The following GNA12 variants were observed in gnomAD, a reference collection of about 807,000 sequenced individuals.
GNA12 encodes the protein G protein subunit alpha 12.
Under a neutral mutation model 26.0 loss-of-function variants are expected in GNA12, and 9 were observed. The ratio of observed to expected loss-of-function variants is 0.35; its 90% CI spans 0.21 to 0.60. GNA12 has a LOEUF of 0.60. Among genes scored for constraint, GNA12 ranks in the 20% least tolerant of loss-of-function variants. GNA12 has a pLI of 0.78. For synonymous variants in GNA12, 264 were observed against 219.6 expected, an observed-to-expected ratio of 1.20 and a Z score of -1.79; for missense variants, 405 against 525.8, an observed-to-expected ratio of 0.77 and a Z score of 2.25.
intron 1 of GNA12, among the ~76,000 whole-genome samples, chr7:2,812,976 C>T (rs145903289): frequency 2.0e-4 from 30 of 152,324 alleles, no homozygotes; most frequent in Middle Eastern, 3.4e-3. Context: ...CAGAGTCTCG[C>T]TCTGTCGCCC....
At chr7:2,835,608 C>A in intron 1 of GNA12, 1 of 680,094 alleles carries the variant, frequency 1.5e-6, no homozygotes, top group Admixed American at 2.4e-5. Flanking sequence ...TCATGCTGTT[C>A]TCCAGTCCCG....
intron 1 of GNA12, among the ~76,000 whole-genome samples, chr7:2,820,508 G>C (rs1793325715): frequency 6.6e-6 from 1 of 150,414 alleles, no homozygotes; most frequent in Non-Finnish European, 1.5e-5. Context: ...TAGCCCAGGA[G>C]ACATGCAAAA....
At chr7:2,757,940 A>G (rs1392906499) in intron 2 of GNA12, among the ~76,000 whole-genome samples, 1 of 152,174 alleles carries the variant, frequency 6.6e-6, no homozygotes, top group Non-Finnish European at 1.5e-5. Context: ...CAGAATAGCA[A>G]TAATAAGGAA....
intron 2 of GNA12, among the ~76,000 whole-genome samples, chr7:2,754,175 A>G (rs1791178948): frequency 6.6e-6 from 1 of 152,182 alleles, no homozygotes; most frequent in South Asian, 2.1e-4. Context: ...ATAGGTGTGT[A>G]GTGCTAGCTC....
intron 1 of GNA12, among the ~76,000 whole-genome samples, chr7:2,840,569 C>T (rs1463284645): frequency 6.6e-6 from 1 of 152,144 alleles, no homozygotes; most frequent in Admixed American, 6.5e-5. Flanking sequence ...ATTTAAAGTC[C>T]CTTCCCTGGC....
chr7:2,794,786 G>C (rs1350792296), intron 2 of GNA12, 142 bp downstream of exon 2: 3 of 655,642 alleles, frequency 4.6e-6, no homozygotes, highest in Non-Finnish European at 8.0e-6. Flanking sequence ...CCCGTGTTTT[G>C]GTTGTTGATC....
intron 2 of GNA12, among the ~76,000 whole-genome samples, chr7:2,789,083 G>T (rs1308090203): frequency 6.7e-6 from 1 of 149,874 alleles, no homozygotes; most frequent in Non-Finnish European, 1.5e-5. Flanking sequence ...CTCCCAAAGT[G>T]CTCCCGAAGT....
chr7:2,841,009 G>T (rs1205753098), intron 1 of GNA12, among the ~76,000 whole-genome samples: 1 of 152,252 alleles, frequency 6.6e-6, no homozygotes, highest in Admixed American at 6.5e-5. Context: ...GACACATGAA[G>T]TGAGTTTAAT....
chr7:2,816,350 C>A (rs868159269), intron 1 of GNA12, among the ~76,000 whole-genome samples: 1 of 151,962 alleles, frequency 6.6e-6, no homozygotes, highest in Non-Finnish European at 1.5e-5. Context: ...TCTGCCTCAG[C>A]CTCCCAAGTA....
chr7:2,814,435 A>G (rs1417437776), intron 1 of GNA12: 1 of 1,072,492 alleles, frequency 9.3e-7, no homozygotes, highest in Non-Finnish European at 1.5e-6. Flanking sequence ...ATTAAAGACA[A>G]TTAGAGACAT....
chr7:2,801,857 CT>C (rs985210037), intron 1 of GNA12, among the ~76,000 whole-genome samples: 6 of 152,078 alleles, frequency 3.9e-5, no homozygotes, highest in Admixed American at 3.3e-4. Flanking sequence ...CCTTTTCTTC[CT>C]TTTTAGAGAG....
intron 1 of GNA12, among the ~76,000 whole-genome samples, chr7:2,832,394 C>G (rs991789260): frequency 1.3e-5 from 2 of 152,246 alleles, no homozygotes; most frequent in African/African-American, 4.8e-5. Context: ...GACCCCGCAT[C>G]TAGCCTGGCC....
intron 1 of GNA12, among the ~76,000 whole-genome samples, chr7:2,842,108 A>G (rs1348107271): frequency 1.3e-5 from 1 of 78,204 alleles, no homozygotes; most frequent in Admixed American, 1.4e-4. Flanking sequence ...GAAAGGAAGG[A>G]AGGGAAGGGA....
chr7:2,801,199 G>A (rs35341157), intron 1 of GNA12, among the ~76,000 whole-genome samples: 61 of 152,208 alleles, frequency 4.0e-4, no homozygotes, highest in Middle Eastern at 3.4e-3. Context: ...GGCCCTGCTC[G>A]TCCAACTCAA....
chr7:2,740,296 T>C (rs1033842130), intron 2 of GNA12, among the ~76,000 whole-genome samples: 2 of 152,158 alleles, frequency 1.3e-5, no homozygotes, highest in African/African-American at 4.8e-5. Context: ...GTGATGGTAT[T>C]TGGAGATGGG....
chr7:2,739,407 T>C (rs1456117875), intron 2 of GNA12, among the ~76,000 whole-genome samples: 2 of 152,212 alleles, frequency 1.3e-5, no homozygotes, highest in African/African-American at 2.4e-5. Context: ...CTGGTTCTTT[T>C]ACTTGGTGCG....
Position 2,745,764 on chromosome 7 carries a change from T to A in GNA12, c.526-12263A>T, listed in dbSNP as rs559425863. Among the ~76,000 whole-genome samples the A allele has an allele frequency of 9.2e-3, 1,401 of 152,282 alleles. 16 individuals carry two copies. Among genetic ancestry groups the A allele is most frequent in the African/African-American group, 0.032 (1,324 of 41,554 alleles). ...GTCAAGACCCATCAGTGTGCTGTAT[T>A]CAGGAAACCCATCTCACGTGCAGAG... is the stretch of plus-strand genomic sequence containing the variant. On this transcript the variant is annotated intron_variant, in intron 2 of 3. Transcript: ENST00000275364.
chr7:2,825,763 G>A (rs1453123912), intron 1 of GNA12, among the ~76,000 whole-genome samples: 1 of 152,192 alleles, frequency 6.6e-6, no homozygotes, highest in Non-Finnish European at 1.5e-5. Flanking sequence ...AGAAGCCAGG[G>A]AAACGGCTGT....
chr7:2,754,686 C>A (rs183414060), intron 2 of GNA12, among the ~76,000 whole-genome samples: 42 of 152,236 alleles, frequency 2.8e-4, no homozygotes, highest in Middle Eastern at 3.4e-3. Flanking sequence ...GAGACTGAGG[C>A]TGCAGTGAGC....
Sources: gnomAD v4.1 joint callset for allele counts (sites outside exome capture counted in the v4.1 genomes callset) on GRCh38, gnomAD v4.1.1 for gene constraint, MANE v1.5 for transcripts, NCBI Gene and HGNC (gene_info 2026-07-23, HGNC 2026-07-21) for gene names.